PALD1: variants seen among roughly 807,000 people sequenced by gnomAD.
The protein encoded by PALD1 is paladin.
Under a neutral mutation model 96.0 loss-of-function variants are expected in PALD1, and 57 were observed. That is an observed-to-expected ratio of 0.59 (90% CI 0.48 to 0.74). PALD1 has a LOEUF of 0.74. Ranked by LOEUF, PALD1 falls within the 30% of genes least tolerant of loss-of-function variation. The pLI is 0.00. For missense variants in PALD1, 1,063 were observed against 1,143.7 expected, an observed-to-expected ratio of 0.93 and a Z score of 1.02; for synonymous variants, 464 against 473.6, an observed-to-expected ratio of 0.98 and a Z score of 0.26.
rs574288744 is a variant in PALD1, at chr10:70,536,469, A to G, written c.1228-1342A>G. On this transcript the variant is annotated intron_variant, in intron 10 of 19. Transcript: ENST00000263563. The stretch of plus-strand genomic sequence containing the variant: ...CATCAGTGTAAATACTTCTTTGTTG[A>G]GCAGCTTCATGAAAATGAAGGCTGT... Among the ~76,000 whole-genome samples, 93 of 152,270 alleles carry G rather than the reference A, an allele frequency of 6.1e-4. 1 individual carries two copies. Among genetic ancestry groups the G allele is most frequent in the African/African-American group, 2.2e-3 (93 of 41,564 alleles).
chr10:70,496,915 A>G (rs1432255531), intron 1 of PALD1, among the ~76,000 whole-genome samples: 1 of 151,930 alleles, frequency 6.6e-6, no homozygotes, highest in African/African-American at 2.4e-5. Context: ...TCCTCCCTTC[A>G]CCTTCCAGTC....
At chr10:70,471,411 T>A in the PALD1 span, among the ~76,000 whole-genome samples, 1 of 152,254 alleles carries the variant, frequency 6.6e-6, no homozygotes, top group Non-Finnish European at 1.5e-5. Context: ...TAGAGACAGA[T>A]ACTGAGGCTG....
At chr10:70,480,042 A>C (rs1845902010) in intron 1 of PALD1, among the ~76,000 whole-genome samples, 2 of 152,240 alleles carry the variant, frequency 1.3e-5, no homozygotes, top group Admixed American at 1.3e-4. Flanking sequence ...AGGCTGCGAG[A>C]GTGCCAGGGC....
chr10:70,529,650 TC>T (rs989703461), intron 3 of PALD1, among the ~76,000 whole-genome samples: 5 of 152,140 alleles, frequency 3.3e-5, no homozygotes, highest in Admixed American at 2.0e-4. Flanking sequence ...CTCTCTGATG[TC>T]CCCTCTGGAG....
intron 19 of PALD1, 103 bp from the exon 20 acceptor site, chr10:70,566,478 G>T: frequency 1.2e-6 from 1 of 840,922 alleles, no homozygotes; most frequent in Non-Finnish European, 1.9e-6. Flanking sequence ...AACTTGTTCA[G>T]GTCACCAAGT....
At chr10:70,467,953 C>T in the PALD1 span, among the ~76,000 whole-genome samples, 1 of 152,242 alleles carries the variant, frequency 6.6e-6, no homozygotes, top group Non-Finnish European at 1.5e-5. Context: ...ACCAAATGGG[C>T]AGTTTACCCA....
rs565472990 is a variant in PALD1, at chr10:70,518,665, G to A, written c.-29-7258G>A. The stretch of plus-strand genomic sequence containing the variant: ...CTTGATATTGACTTGTTAAGAGTTG[G>A]CACCTCTTTTTTGGGTCAGGATTAA... On this transcript the variant is annotated intron_variant, in intron 1 of 19. Transcript: ENST00000263563. Among the ~76,000 whole-genome samples the A allele has an allele frequency of 1.1e-4, 17 of 152,252 alleles. 1 individual carries two copies. The highest frequency in any genetic ancestry group is 3.4e-4 in the African/African-American group (14 of 41,530).
chr10:70,505,019 C>CAG (rs1846358430), intron 1 of PALD1, among the ~76,000 whole-genome samples: 2 of 152,204 alleles, frequency 1.3e-5, no homozygotes, highest in Non-Finnish European at 2.9e-5. Context: ...TATCAGGCAT[C>CAG]TGTCTTTGGG....
At chr10:70,492,258 T>C (rs1320577533) in intron 1 of PALD1, among the ~76,000 whole-genome samples, 1 of 152,110 alleles carries the variant, frequency 6.6e-6, no homozygotes, top group Non-Finnish European at 1.5e-5. Flanking sequence ...CCCTGACTTA[T>C]GGTGGTTCCA....
intron 1 of PALD1, among the ~76,000 whole-genome samples, chr10:70,487,945 G>C (rs1846039661): frequency 6.6e-6 from 1 of 152,110 alleles, no homozygotes; most frequent in Non-Finnish European, 1.5e-5. Flanking sequence ...GTTTTTTCTG[G>C]ATTTTTCACA....
Position 70,493,038 on chromosome 10 carries a change from C to T in PALD1, c.-30+13979C>T, listed in dbSNP as rs548757506. Among the ~76,000 whole-genome samples the T allele has an allele frequency of 6.0e-4, 91 of 152,242 alleles. 1 individual carries two copies. Among genetic ancestry groups the T allele is most frequent in the African/African-American group, 2.9e-4 (12 of 41,552 alleles). On this transcript the variant is annotated intron_variant, in intron 1 of 19. Coordinates refer to ENST00000263563, the MANE Select transcript of PALD1 (RefSeq NM_014431.3). ...CCATAGTCCCATTTTTGTGGGTAAT[C>T]GGTGCGAGCTACAGGAAACAAATGG...
intron 6 of PALD1, 79 bp from the exon 7 acceptor site, chr10:70,532,916 A>C (rs1269314063): frequency 4.0e-6 from 6 of 1,518,396 alleles, no homozygotes; most frequent in Non-Finnish European, 5.4e-6. Flanking sequence ...CCCATTTCCA[A>C]ACAGTGCCCG....
chr10:70,505,704 T>C (rs58839218), intron 1 of PALD1, among the ~76,000 whole-genome samples: 2,050 of 152,224 alleles, frequency 0.013, 47 homozygotes, highest in African/African-American at 0.046. Flanking sequence ...ACTGTTTGTC[T>C]GTTGGTCATT....
chr10:70,566,644 G>A lies in PALD1; in HGVS notation c.2482G>A (p.Gly828Arg), dbSNP rs10999406. ...GCTGGGCTTCCCCGAGCTGGAGAGC[G>A]GGGAGGACCAGCCCTTCTCCAGGCT... ...NELGFPELES[G>R]EDQPFSRLRY... Residue 828 changes from glycine (G) to arginine (R), a missense_variant, in exon 20 of 20, where the codon GGG (glycine) becomes AGG (arginine). Physicochemically the swap from Gly to Arg is moderately radical, Grantham distance 125. Coordinates refer to ENST00000263563, the MANE Select transcript of PALD1 (RefSeq NM_014431.3). The A allele has an allele frequency of 0.13, 211,631 of 1,608,912 alleles. 14,992 individuals are homozygous for A. Among genetic ancestry groups the A allele is most frequent in the Middle Eastern group, 0.21 (1,257 of 6,056 alleles).
At chr10:70,511,195 C>CT (rs1373857637) in intron 1 of PALD1, among the ~76,000 whole-genome samples, 1 of 152,198 alleles carries the variant, frequency 6.6e-6, no homozygotes, top group African/African-American at 2.4e-5. Flanking sequence ...TTAGATTTGG[C>CT]TGCAAGTAAT....
At chr10:70,462,377 T>C in the PALD1 span, among the ~76,000 whole-genome samples, 1 of 152,270 alleles carries the variant, frequency 6.6e-6, no homozygotes, top group African/African-American at 2.4e-5. Flanking sequence ...AAAGTGGGAA[T>C]ACTACGTGCC....
In PALD1 at chr10:70,532,754, G is replaced by A. The variant is rs766671595; in HGVS notation, c.767G>A (p.Arg256Gln). ...DLHVTEEVYK[R>Q]PLFLQPTYRY... The stretch of plus-strand genomic sequence containing the variant: ...CATGTGACGGAGGAGGTGTACAAGC[G>A]GCCCCTCTTCCTGCAGCCCACCTAC... Residue 256 changes from arginine to glutamine, a missense_variant, in exon 6 of 20, where the codon CGG (arginine) becomes CAG (glutamine). By Grantham distance (43) the Arg-to-Gln change is conservative. Coordinates refer to ENST00000263563, the MANE Select transcript of PALD1 (RefSeq NM_014431.3). 2.2e-5 allele frequency: 35 copies of A among 1,614,018 alleles called. No individual in the cohort carries two copies. The Middle Eastern group carries it at 6.6e-4, about 30-fold the overall frequency.
At chr10:70,505,783 G>C (rs1846375501) in intron 1 of PALD1, among the ~76,000 whole-genome samples, 1 of 152,112 alleles carries the variant, frequency 6.6e-6, no homozygotes, top group African/African-American at 2.4e-5. Flanking sequence ...CATTTTGGGA[G>C]GCTGAGGTGG....
intron 1 of PALD1, among the ~76,000 whole-genome samples, chr10:70,504,394 AT>A (rs1215049851): frequency 6.6e-6 from 1 of 152,144 alleles, no homozygotes; most frequent in Non-Finnish European, 1.5e-5. Flanking sequence ...ATGGTGGTGC[AT>A]GCCTGTGATC....
Sources: allele counts gnomAD v4.1 joint callset (sites outside exome capture counted in the v4.1 genomes callset), GRCh38; gene constraint gnomAD v4.1.1; transcripts MANE v1.5; gene names NCBI Gene and HGNC (gene_info 2026-07-23, HGNC 2026-07-21).